FSTL4: variants seen among roughly 807,000 people sequenced by gnomAD.
FSTL4 encodes the protein follistatin-related protein 4.
Under a neutral mutation model 78.2 loss-of-function variants are expected in FSTL4, and 28 were observed. The observed-to-expected ratio is 0.36, with a 90% confidence interval of 0.27 to 0.49. The LOEUF is 0.49. FSTL4 is among the 20% of genes least tolerant of loss of function. The pLI, the probability that FSTL4 is intolerant of heterozygous loss-of-function variation, is 0.98. For synonymous variants in FSTL4, 422 were observed against 440.5 expected, an observed-to-expected ratio of 0.96 and a Z score of 0.53; for missense variants, 922 against 1,084.9, an observed-to-expected ratio of 0.85 and a Z score of 2.11.
At chr5:133,813,411 C>A in the FSTL4 span, among the ~76,000 whole-genome samples, 1 of 152,174 alleles carries the variant, frequency 6.6e-6, no homozygotes, top group Non-Finnish European at 1.5e-5. Flanking sequence ...GTACTTTATA[C>A]ACATTGAACA....
At chr5:133,796,261 C>T in the FSTL4 span, among the ~76,000 whole-genome samples, 63 of 152,332 alleles carry the variant, frequency 4.1e-4, no homozygotes, top group Middle Eastern at 0.01. Flanking sequence ...AGCACACAGG[C>T]AGACCAGGTG....
At chr5:133,405,716 G>A (rs1756347275) in intron 3 of FSTL4, among the ~76,000 whole-genome samples, 1 of 152,254 alleles carries the variant, frequency 6.6e-6, no homozygotes, top group African/African-American at 2.4e-5. Context: ...GGGACAGAGA[G>A]TGCCTGTCAG....
chr5:133,681,838 G>A, the FSTL4 span, among the ~76,000 whole-genome samples: 9 of 152,140 alleles, frequency 5.9e-5, no homozygotes, highest in Non-Finnish European at 1.0e-4. Context: ...CTCTTGTATA[G>A]AAGAGACTGC....
chr5:133,526,142 TATCAC>T (rs1426181927), intron 3 of FSTL4, among the ~76,000 whole-genome samples: 2 of 152,164 alleles, frequency 1.3e-5, no homozygotes, highest in Non-Finnish European at 2.9e-5. Context: ...CATTGATACT[TATCAC>T]ACACAGTTAT....
At chr5:133,526,630 A>G (rs1381258317) in intron 3 of FSTL4, among the ~76,000 whole-genome samples, 2 of 152,148 alleles carry the variant, frequency 1.3e-5, no homozygotes, top group Non-Finnish European at 2.9e-5. Flanking sequence ...TGAGCTGGCC[A>G]GTGGTGAGAA....
intron 3 of FSTL4, among the ~76,000 whole-genome samples, chr5:133,401,193 A>G (rs1248991617): frequency 6.6e-6 from 1 of 152,210 alleles, no homozygotes; most frequent in Non-Finnish European, 1.5e-5. Context: ...CCTGCCTTGC[A>G]GAGCTCAGGT....
intron 4 of FSTL4, among the ~76,000 whole-genome samples, chr5:133,354,734 G>C (rs149846334): frequency 6.6e-6 from 1 of 152,344 alleles, no homozygotes; most frequent in African/African-American, 2.4e-5. Flanking sequence ...TGATGGCCTT[G>C]AGACAATCTT....
chr5:133,652,420 T>C, the FSTL4 span, among the ~76,000 whole-genome samples: 3 of 152,190 alleles, frequency 2.0e-5, no homozygotes, highest in Non-Finnish European at 4.4e-5. Context: ...CTGCTTTCAT[T>C]GCATCTCACA....
intron 3 of FSTL4, among the ~76,000 whole-genome samples, chr5:133,549,264 T>A (rs994029502): frequency 6.6e-6 from 1 of 152,172 alleles, no homozygotes; most frequent in African/African-American, 2.4e-5. Context: ...CCTCCTAACC[T>A]TGATAGCTTT....
At chr5:133,744,927 C>A in the FSTL4 span, among the ~76,000 whole-genome samples, 2 of 152,156 alleles carry the variant, frequency 1.3e-5, no homozygotes, top group Non-Finnish European at 2.9e-5. Context: ...TGGTCTGCAT[C>A]ACCATAGAAA....
At chr5:133,608,909 T>C (rs1422658611) in intron 1 of FSTL4, among the ~76,000 whole-genome samples, 2 of 152,182 alleles carry the variant, frequency 1.3e-5, no homozygotes, top group Admixed American at 1.3e-4. Context: ...CTGTCTTTAT[T>C]GACCAAGTTC....
intron 6 of FSTL4, among the ~76,000 whole-genome samples, chr5:133,287,701 C>T (rs1413206035): frequency 1.3e-5 from 2 of 152,218 alleles, no homozygotes; most frequent in Non-Finnish European, 2.9e-5. Flanking sequence ...CCACTGCCTC[C>T]TGCTGCCCGC....
intron 3 of FSTL4, among the ~76,000 whole-genome samples, chr5:133,525,499 G>T (rs1759075392): frequency 6.6e-6 from 1 of 152,194 alleles, no homozygotes; most frequent in Non-Finnish European, 1.5e-5. Flanking sequence ...CTCATTTGAT[G>T]GTGAGTGGGG....
intron 3 of FSTL4, among the ~76,000 whole-genome samples, chr5:133,532,036 G>C (rs1018953932): frequency 1.6e-4 from 25 of 152,188 alleles, no homozygotes; most frequent in African/African-American, 6.0e-4. Flanking sequence ...AGTGAGGTAA[G>C]GATCTTGGAT....
chr5:133,415,545 T>C (rs139654394), intron 3 of FSTL4, among the ~76,000 whole-genome samples: 3 of 152,302 alleles, frequency 2.0e-5, no homozygotes, highest in East Asian at 1.9e-4. Flanking sequence ...AGATTCTAAC[T>C]ATGTTTTATC....
At chr5:133,731,450 A>C in the FSTL4 span, among the ~76,000 whole-genome samples, 1 of 152,230 alleles carries the variant, frequency 6.6e-6, no homozygotes. Context: ...AGATACCCCA[A>C]GGCCACACAG....
chr5:133,274,019 G>C (rs561522158), intron 6 of FSTL4, among the ~76,000 whole-genome samples: 1 of 152,342 alleles, frequency 6.6e-6, no homozygotes, highest in African/African-American at 2.4e-5. Flanking sequence ...AGTCTTCCAT[G>C]ATGAGACACT....
intron 2 of FSTL4, among the ~76,000 whole-genome samples, chr5:133,599,445 T>C (rs1037166668): frequency 6.6e-6 from 1 of 152,122 alleles, no homozygotes; most frequent in Non-Finnish European, 1.5e-5. Context: ...CTGCAAAGAC[T>C]TTACTTTGAG....
At chr5:133,567,068 G>T in intron 3 of FSTL4, 118 bp downstream of exon 3, 1 of 777,218 alleles carries the variant, frequency 1.3e-6, no homozygotes, top group Non-Finnish European at 2.3e-6. Context: ...CCCAGAAAAG[G>T]CCGCATGAAA....
Sources: allele counts gnomAD v4.1 joint callset (sites outside exome capture counted in the v4.1 genomes callset), GRCh38; gene constraint gnomAD v4.1.1; transcripts MANE v1.5; gene names NCBI Gene and HGNC (gene_info 2026-07-23, HGNC 2026-07-21).